The following PTGIS variants were observed in gnomAD, a reference collection of about 807,000 sequenced individuals.
PTGIS encodes the protein prostacyclin synthase.
In PTGIS, 45 loss-of-function variants were observed where a neutral mutation model predicts 50.3. The observed-to-expected ratio is 0.90, with a 90% CI of 0.70 to 1.15. PTGIS has a LOEUF of 1.15. PTGIS is among the 50% of genes most tolerant of loss of function. PTGIS has a pLI of 0.00. For missense variants in PTGIS, 668 were observed against 661.3 expected (o/e 1.01, Z -0.11); for synonymous variants, 260 against 267.7 (o/e 0.97, Z 0.28).
Position 49,540,461 on chromosome 20 carries a change from C to T in PTGIS, c.522-740G>A, listed in dbSNP as rs991266818. On this transcript the variant is annotated intron_variant, in intron 4 of 9. Coordinates refer to ENST00000244043, the MANE Select transcript of PTGIS (RefSeq NM_000961.4). This position sits in a 1 kb window ranked among gnomAD's most constrained non-coding sequence, Gnocchi z 4.8. ...CTGTGGCTGGTGCAGGCACTGGAGCCGGGGTGTGAGGCAGAGGATGGGAGG... is the reference window on the plus strand; with the variant it reads ...CTGTGGCTGGTGCAGGCACTGGAGCTGGGGTGTGAGGCAGAGGATGGGAGG... Among the ~76,000 whole-genome samples the T allele has an allele frequency of 5.3e-5, 8 of 151,360 alleles. No individual in the cohort carries two copies. Among genetic ancestry groups the T allele is most frequent in the Non-Finnish European group, 7.4e-5 (5 of 67,778 alleles).
At chr20:49,514,505 C>T in intron 6 of PTGIS, 110 bp from the exon 7 acceptor site, 2 of 1,307,306 alleles carry the variant, frequency 1.5e-6, no homozygotes, top group Non-Finnish European at 2.1e-6. Flanking sequence ...TGGGTTCCCA[C>T]TGCTGCCAAA....
chr20:49,514,404 A>G lies in PTGIS; in HGVS notation c.856-9T>C. 6.2e-7 allele frequency: 1 copy of G among 1,613,134 alleles called. No individual in the cohort carries two copies. Among genetic ancestry groups the G allele is most frequent in the South Asian group, 1.1e-5 (1 of 91,056 alleles). On this transcript the variant is annotated splice_polypyrimidine_tract_variant and intron_variant, in intron 6 of 9. Coordinates refer to ENST00000244043, the MANE Select transcript of PTGIS (RefSeq NM_000961.4). ...GCGGGACCCATATTCCCCTGCAAGG[A>G]GAAGGGCCCCTGTTATGCCATTATG... is the stretch of plus-strand genomic sequence containing the variant.
In PTGIS at chr20:49,524,413, A is replaced by C. The variant is rs115775495; in HGVS notation, c.674-174T>G. Among the ~76,000 whole-genome samples, 894 of 152,298 alleles carry C rather than the reference A, an allele frequency of 5.9e-3. 9 individuals carry two copies. The highest frequency in any genetic ancestry group is 0.021 in the African/African-American group (853 of 41,552). ...AGGCCCACAGCAGGAAGCCCTTTCA[A>C]TACCAAATTGCTTATTATCTGTCTT... is the stretch of plus-strand genomic sequence containing the variant. On this transcript the variant is annotated intron_variant, in intron 5 of 9. Transcript: ENST00000244043.
intron 6 of PTGIS, among the ~76,000 whole-genome samples, chr20:49,517,082 A>AG (rs2122845547): frequency 6.6e-6 from 1 of 152,334 alleles, no homozygotes; most frequent in East Asian, 1.9e-4. Context: ...CGCCCATAGT[A>AG]GGTGCTCAGA....
Position 49,513,145 on chromosome 20 carries a change from C to T in PTGIS, c.1141G>A (p.Asp381Asn), listed in dbSNP as rs753165328. 3.1e-6 allele frequency: 5 copies of T among 1,614,102 alleles called. No individual in the cohort carries two copies. Among genetic ancestry groups the T allele is most frequent in the Non-Finnish European group, 4.2e-6 (5 of 1,180,020 alleles). ...AGGAAGGGGAAGAGGAGGAGGCGGTCACCACGTCGCAGGTTGAATTCTCGC... is the reference window on the plus strand; with the variant it reads ...AGGAAGGGGAAGAGGAGGAGGCGGTTACCACGTCGCAGGTTGAATTCTCGC... The part of the protein sequence containing the change: ...DGREFNLRRG[D>N]RLLLFPFLSP... Residue 381 changes from aspartate (D) to asparagine (N), a missense_variant, in exon 8 of 10, where the codon GAC (aspartate) becomes AAC (asparagine). Asp to Asn is a conservative substitution (Grantham distance 23). Coordinates refer to ENST00000244043, the MANE Select transcript of PTGIS (RefSeq NM_000961.4).
At chr20:49,533,717 G>A in intron 5 of PTGIS, among the ~76,000 whole-genome samples, 1 of 152,124 alleles carries the variant, frequency 6.6e-6, no homozygotes. Context: ...AGCACTTTGG[G>A]AGGCTGAAGC....
rs916200145 is a variant in PTGIS at position 49,506,862 on chromosome 20, C to G, written c.*1058G>C. 6.6e-6 allele frequency: 1 copy of G among 152,226 alleles called. No homozygotes were observed. Among genetic ancestry groups the G allele is most frequent in the Non-Finnish European group, 1.5e-5 (1 of 68,086 alleles). The allele number at this position is 152,226 out of a possible 1,614,324, so 9.4% of individuals were successfully genotyped here. On this transcript the variant is annotated 3_prime_UTR_variant, in exon 10 of 10. Coordinates refer to ENST00000244043, the MANE Select transcript of PTGIS (RefSeq NM_000961.4). ...AGACCCGGTCAGAACCCTGGTGAAG[C>G]CGAGAGCACATGTCCTGCATAAGGG...
intron 5 of PTGIS, among the ~76,000 whole-genome samples, chr20:49,527,584 C>T (rs1012319997): frequency 2.0e-5 from 3 of 151,962 alleles, no homozygotes; most frequent in Admixed American, 6.6e-5. Context: ...GAAGATATGT[C>T]GGGCTGGGAG....
chr20:49,543,159 T>G (rs1291280158), intron 4 of PTGIS, among the ~76,000 whole-genome samples: 1 of 151,964 alleles, frequency 6.6e-6, no homozygotes, highest in Non-Finnish European at 1.5e-5. Flanking sequence ...CACCACTCTA[T>G]CCCTCTCACT....
intron 1 of PTGIS, among the ~76,000 whole-genome samples, chr20:49,552,846 T>G (rs2122893967): frequency 6.6e-6 from 1 of 152,164 alleles, no homozygotes; most frequent in East Asian, 1.9e-4. Context: ...AGCCAGGAGC[T>G]TTATAACAGG....
intron 1 of PTGIS, among the ~76,000 whole-genome samples, chr20:49,554,732 A>C (rs1343524789): frequency 6.6e-6 from 1 of 152,206 alleles, no homozygotes; most frequent in Non-Finnish European, 1.5e-5. Context: ...CATCAAAGGC[A>C]CACTGATGCA....
chr20:49,562,140 G>A (rs1446994844), intron 1 of PTGIS, among the ~76,000 whole-genome samples: 1 of 152,158 alleles, frequency 6.6e-6, no homozygotes, highest in East Asian at 1.9e-4. Flanking sequence ...GACAGGTCTG[G>A]CTGCAGTGCC....
chr20:49,530,115 T>C (rs558736035), intron 5 of PTGIS, among the ~76,000 whole-genome samples: 29 of 149,108 alleles, frequency 1.9e-4, no homozygotes, highest in Non-Finnish European at 3.4e-4. Context: ...GATTGCACCA[T>C]TGCATTCCAG....
intron 1 of PTGIS, among the ~76,000 whole-genome samples, chr20:49,550,456 T>C (rs1568683712): frequency 6.6e-6 from 1 of 152,232 alleles, no homozygotes. Flanking sequence ...AGACTGTTTC[T>C]GTGATTCTGT....
intron 9 of PTGIS, 40 bp downstream of exon 9, chr20:49,510,988 A>G (rs763190137): frequency 1.2e-6 from 2 of 1,600,202 alleles, no homozygotes; most frequent in Non-Finnish European, 1.7e-6. Context: ...CAACCAGGGG[A>G]TCAGGAGCCA....
At chr20:49,537,680 G>A (rs141087735) in intron 5 of PTGIS, among the ~76,000 whole-genome samples, 61 of 152,214 alleles carry the variant, frequency 4.0e-4, no homozygotes, top group African/African-American at 1.1e-3. Flanking sequence ...GCTTGACCCC[G>A]GGAAGCAGAG....
chr20:49,551,806 TTG>T (rs58517059), intron 1 of PTGIS, among the ~76,000 whole-genome samples: 6,839 of 142,204 alleles, frequency 0.048, 142 homozygotes, highest in Middle Eastern at 0.079. Flanking sequence ...GTGTATGTGT[TTG>T]TGTGTGTGTG....
chr20:49,562,105 A>G (rs1163287762), intron 1 of PTGIS, among the ~76,000 whole-genome samples: 5 of 152,118 alleles, frequency 3.3e-5, no homozygotes, highest in Admixed American at 6.5e-5. Flanking sequence ...AGGGTCCAAC[A>G]TAGAGGACTT....
intron 1 of PTGIS, among the ~76,000 whole-genome samples, chr20:49,560,580 G>A (rs1007194693): frequency 7.6e-6 from 1 of 132,206 alleles, no homozygotes; most frequent in African/African-American, 2.5e-5. Context: ...AGACAGTGAG[G>A]GGGGCTGGTT....
Sources: gnomAD v4.1 joint callset for allele counts (sites outside exome capture counted in the v4.1 genomes callset) on GRCh38, gnomAD v4.1.1 for gene constraint, Gnocchi (gnomAD v3.1) non-coding constraint, MANE v1.5 for transcripts, NCBI Gene and HGNC (gene_info 2026-07-23, HGNC 2026-07-21) for gene names.